The following ABCA13 variants were observed in gnomAD, a reference collection of about 807,000 sequenced individuals.
The protein encoded by ABCA13 is ATP-binding cassette sub-family A member 13.
In ABCA13, 476 loss-of-function variants were observed where a neutral mutation model predicts 478.7. That is an observed-to-expected ratio of 0.99 (90% CI 0.92 to 1.07). The LOEUF (loss-of-function observed/expected upper bound fraction) is 1.07, where lower values mean the gene tolerates loss of function less well. ABCA13 is among the 50% of genes least tolerant of loss of function. ABCA13 has a pLI of 0.00. For synonymous variants in ABCA13, 2,252 were observed against 2,158.9 expected, an observed-to-expected ratio of 1.04 and a Z score of -1.20; for missense variants, 6,060 against 5,910.6, an observed-to-expected ratio of 1.03 and a Z score of -0.83.
chr7:48,276,419 G>T lies in ABCA13; in HGVS notation c.6753G>T (p.Arg2251Ser). Reference sequence around the variant, plus strand: ...ACCATATGCAGTCAGAAACTAGTAGGAAAACAGTTCTCTCTCTGAGAAGCA... The same window carrying T: ...ACCATATGCAGTCAGAAACTAGTAGTAAAACAGTTCTCTCTCTGAGAAGCA... ...ILNHMQSETSRKTVLSLRSIV... is the reference protein window; with the variant it reads ...ILNHMQSETSSKTVLSLRSIV... Residue 2251 changes from arginine to serine, a missense_variant, in exon 17 of 62, where the codon AGG becomes AGT. By Grantham distance (110) the Arg-to-Ser change is moderately radical. Coordinates refer to ENST00000435803, the MANE Select transcript of ABCA13 (RefSeq NM_152701.5). 6.4e-7 allele frequency: 1 copy of T among 1,564,928 alleles called. No individual in the cohort carries two copies. The highest frequency in any genetic ancestry group is 1.2e-5 in the South Asian group (1 of 81,658).
chr7:48,548,710 G>A (rs1785044376), intron 55 of ABCA13, among the ~76,000 whole-genome samples: 1 of 151,650 alleles, frequency 6.6e-6, no homozygotes, highest in South Asian at 2.1e-4. Flanking sequence ...GTCCTCACTG[G>A]GAGACCTTAT....
At chr7:48,606,076 T>C (rs1193972748) in intron 58 of ABCA13, among the ~76,000 whole-genome samples, 2 of 152,200 alleles carry the variant, frequency 1.3e-5, no homozygotes, top group Non-Finnish European at 2.9e-5. Flanking sequence ...TCATTTATAT[T>C]CTTCTCTACA....
Position 48,335,337 on chromosome 7 carries a change from C to A in ABCA13, c.10000-85C>A, listed in dbSNP as rs1226393244. On this transcript the variant is annotated intron_variant, in intron 27 of 61. Transcript: ENST00000435803. ...GCAGGCAGATCTTTGCTCTGGTGGC[C>A]ACATCATATACAGTCCTTGTTGGAA... 3 of 914,054 alleles carry A rather than the reference C, an allele frequency of 3.3e-6. No individual in the cohort carries two copies. In the African/African-American group the frequency reaches 5.1e-5, roughly 16 times the overall value. 56.6% of individuals were successfully genotyped at this position (914,054 alleles called of 1,614,324 possible).
intron 59 of ABCA13, chr7:48,626,818 G>T (rs779810252): frequency 6.1e-6 from 6 of 985,528 alleles, no homozygotes; most frequent in Non-Finnish European, 7.2e-6. Flanking sequence ...GAGGATTCTG[G>T]GTGTTGAGTA....
chr7:48,475,863 G>A (rs930875250), intron 45 of ABCA13, among the ~76,000 whole-genome samples: 3 of 152,110 alleles, frequency 2.0e-5, no homozygotes, highest in Non-Finnish European at 2.9e-5. Flanking sequence ...ATTTGGAAGC[G>A]ACACCGTTAG....
intron 27 of ABCA13, among the ~76,000 whole-genome samples, chr7:48,325,600 T>C (rs557987508): frequency 5.3e-5 from 8 of 152,170 alleles, no homozygotes; most frequent in Non-Finnish European, 1.2e-4. Flanking sequence ...CTGAGTGCAG[T>C]GTCCATTTTG....
At chr7:48,537,217 G>T (rs890783406) in intron 55 of ABCA13, among the ~76,000 whole-genome samples, 1 of 151,782 alleles carries the variant, frequency 6.6e-6, no homozygotes, top group African/African-American at 2.4e-5. Flanking sequence ...TAGTTTTGTT[G>T]TTTTATTTCT....
At chr7:48,293,674 T>C (rs1327687355) in intron 20 of ABCA13, among the ~76,000 whole-genome samples, 1 of 152,264 alleles carries the variant, frequency 6.6e-6, no homozygotes, top group Non-Finnish European at 1.5e-5. Flanking sequence ...TTAAATATTA[T>C]GTTACCTATA....
intron 55 of ABCA13, 86 bp downstream of exon 55, chr7:48,528,431 T>C (rs1449790185): frequency 2.1e-6 from 2 of 947,652 alleles, no homozygotes; most frequent in Non-Finnish European, 2.9e-6. Context: ...TCCCGTGGAA[T>C]AAAATTTGAA....
At chr7:48,564,830 A>T (rs1786864466) in intron 55 of ABCA13, among the ~76,000 whole-genome samples, 1 of 152,128 alleles carries the variant, frequency 6.6e-6, no homozygotes, top group African/African-American at 2.4e-5. Flanking sequence ...AATATGTGTA[A>T]GCTATATTAC....
chr7:48,463,145 A>G (rs1826451586), intron 43 of ABCA13, among the ~76,000 whole-genome samples: 1 of 152,074 alleles, frequency 6.6e-6, no homozygotes, highest in Non-Finnish European at 1.5e-5. Flanking sequence ...TTTTAATTTT[A>G]AAGTGTGTAT....
At position 48,251,214 on chromosome 7, in the gene ABCA13, T is replaced by C. The variant is rs561688925; in HGVS notation, c.2005+1863T>C. On this transcript the variant is annotated intron_variant, in intron 15 of 61. Transcript: ENST00000435803. ...CATCCTACACTTTAACTTTCTCCTA[T>C]ACTACCTGTCCTCATTATCACTTAT... 3.9e-3 allele frequency among the ~76,000 whole-genome samples: 594 copies of C among 152,310 alleles called. 5 individuals are homozygous for C. Among genetic ancestry groups the C allele is most frequent in the Non-Finnish European group, 6.1e-3 (416 of 68,032 alleles).
Position 48,490,123 on chromosome 7 carries a change from G to GT in ABCA13, c.13291+785dup, listed in dbSNP as rs937716336. On this transcript the variant is annotated intron_variant, in intron 48 of 61. Transcript: ENST00000435803. ...CATATTTATTTTTCCTTCTACACCA[G>GT]TTTTTTAACAAAGTAAATTTAATTA... 2.0e-5 allele frequency among the ~76,000 whole-genome samples: 3 copies of GT among 151,950 alleles called. No individual in the cohort carries two copies. In the East Asian group the frequency reaches 5.8e-4, roughly 29 times the overall value.
intron 27 of ABCA13, among the ~76,000 whole-genome samples, chr7:48,329,862 C>T (rs1386813953): frequency 6.7e-6 from 1 of 148,962 alleles, no homozygotes; most frequent in Non-Finnish European, 1.5e-5. Context: ...TCCATCCACA[C>T]ATTTGTCTCT....
chr7:48,564,430 C>CT (rs996275290), intron 55 of ABCA13, among the ~76,000 whole-genome samples: 12 of 146,748 alleles, frequency 8.2e-5, no homozygotes, highest in South Asian at 4.2e-4. Flanking sequence ...GTAGTTTCAA[C>CT]TTTTTTTTTA....
chr7:48,202,036 G>A (rs893055171), intron 3 of ABCA13, among the ~76,000 whole-genome samples: 1 of 151,952 alleles, frequency 6.6e-6, no homozygotes, highest in Non-Finnish European at 1.5e-5. Flanking sequence ...GGTCTCGCTG[G>A]TATCAGGAGT....
chr7:48,401,407 A>T (rs1029568881), intron 38 of ABCA13, among the ~76,000 whole-genome samples: 2 of 152,224 alleles, frequency 1.3e-5, no homozygotes, highest in African/African-American at 4.8e-5. Flanking sequence ...TTCTACTTTA[A>T]GTTGGACCTC....
chr7:48,176,289 G>T (rs1715559660), intron 1 of ABCA13, among the ~76,000 whole-genome samples: 1 of 152,080 alleles, frequency 6.6e-6, no homozygotes, highest in Non-Finnish European at 1.5e-5. Flanking sequence ...TGAAGACTTG[G>T]GCTAGTGGAG....
chr7:48,497,897 C>T (rs1316594271), intron 48 of ABCA13, among the ~76,000 whole-genome samples: 2 of 152,200 alleles, frequency 1.3e-5, no homozygotes, highest in Non-Finnish European at 2.9e-5. Context: ...CCCTCTGTGC[C>T]CTGCTGCCAC....
Sources: allele counts gnomAD v4.1 joint callset (sites outside exome capture counted in the v4.1 genomes callset), GRCh38; gene constraint gnomAD v4.1.1; transcripts MANE v1.5; gene names NCBI Gene and HGNC (gene_info 2026-07-23, HGNC 2026-07-21).